EGF: variants seen among roughly 807,000 people sequenced by gnomAD.
EGF encodes epidermal growth factor, also known as pro-epidermal growth factor.
In EGF, 95 loss-of-function variants were observed where a neutral mutation model predicts 143.8. The observed-to-expected ratio is 0.66, with a 90% confidence interval of 0.56 to 0.78. The LOEUF (loss-of-function observed/expected upper bound fraction) is 0.78, where lower values mean the gene tolerates loss of function less well. Among genes scored for constraint, EGF ranks in the 30% least tolerant of loss-of-function variants. The pLI is 0.00. For missense variants in EGF, 1,320 were observed against 1,470.9 expected, an observed-to-expected ratio of 0.90 and a Z score of 1.68; for synonymous variants, 510 against 510.5, an observed-to-expected ratio of 1.00 and a Z score of 0.01.
intron 5 of EGF, among the ~76,000 whole-genome samples, chr4:109,956,639 AGAAC>A (rs1279064131): frequency 3.3e-5 from 5 of 152,208 alleles, no homozygotes; most frequent in African/African-American, 1.2e-4. Flanking sequence ...TGAAGCATAT[AGAAC>A]AAGAAAAATA....
At chr4:109,913,746 A>G (rs11568854) in intron 1 of EGF, among the ~76,000 whole-genome samples, 57 of 152,298 alleles carry the variant, frequency 3.7e-4, no homozygotes, top group African/African-American at 1.4e-3. Context: ...TTCAGCTTTT[A>G]CTCTGACAAG....
rs1181869188 is a variant in EGF at position 109,957,275 on chromosome 4, C to G, written c.941-2037C>G. Among the ~76,000 whole-genome samples, 5 of 152,182 alleles carry G rather than the reference C, an allele frequency of 3.3e-5. 1 individual carries two copies. Among genetic ancestry groups the G allele is most frequent in the African/African-American group, 1.2e-4 (5 of 41,438 alleles). On this transcript the variant is annotated intron_variant, in intron 5 of 23. Transcript: ENST00000265171. Reference sequence around the variant, plus strand: ...CACCAAAACTAACTTGTTTATCTGACCCCCTGACGGATCAGGAGAGAGATG... The same window carrying G: ...CACCAAAACTAACTTGTTTATCTGAGCCCCTGACGGATCAGGAGAGAGATG...
At chr4:109,938,404 A>G (rs746690621) in intron 1 of EGF, among the ~76,000 whole-genome samples, 2 of 152,162 alleles carry the variant, frequency 1.3e-5, no homozygotes, top group Non-Finnish European at 2.9e-5. Flanking sequence ...GATTCTAGTT[A>G]TCCATTTGTC....
At chr4:109,945,372 T>A in intron 5 of EGF, 97 bp downstream of exon 5, 1 of 1,222,474 alleles carries the variant, frequency 8.2e-7, no homozygotes, top group Non-Finnish European at 1.2e-6. Flanking sequence ...GAAAAAAAAT[T>A]TTTTTCTTCA....
At chr4:109,967,422 C>G (rs1323110280) in intron 10 of EGF, among the ~76,000 whole-genome samples, 1 of 152,092 alleles carries the variant, frequency 6.6e-6, no homozygotes, top group Non-Finnish European at 1.5e-5. Context: ...ATACTAGTAC[C>G]ATACTGTTTG....
rs749816357 is a variant in EGF at position 109,959,510 on chromosome 4, C to T, written c.1066+73C>T. Reference sequence around the variant, plus strand: ...GGGGAGGAATGCTCAACTGAGCCAGCGGCTTGTCTTCAGTGGGCCAGCCAG... The same window carrying T: ...GGGGAGGAATGCTCAACTGAGCCAGTGGCTTGTCTTCAGTGGGCCAGCCAG... On this transcript the variant is annotated intron_variant, in intron 6 of 23. Transcript: ENST00000265171. 2,540 of 1,608,550 alleles carry T rather than the reference C, an allele frequency of 1.6e-3. 7 individuals carry two copies. Among genetic ancestry groups the T allele is most frequent in the Non-Finnish European group, 1.9e-3 (2,219 of 1,178,190 alleles).
chr4:109,986,577 C>T lies in EGF; in HGVS notation c.2492-1167C>T, dbSNP rs11569037. ...GATCATTTAACTTTCTTTAATTTAT[C>T]GGCAAGTTTGGAGGGCTTTTTAAAA... On this transcript the variant is annotated intron_variant, in intron 16 of 23. Coordinates refer to ENST00000265171, the MANE Select transcript of EGF (RefSeq NM_001963.6). 8.5e-4 allele frequency among the ~76,000 whole-genome samples: 130 copies of T among 152,172 alleles called. 1 individual carries two copies. The East Asian group carries it at 0.017, about 20-fold the overall frequency.
intron 21 of EGF, chr4:110,004,142 A>G: frequency 2.8e-6 from 1 of 354,070 alleles, no homozygotes; most frequent in Non-Finnish European, 5.5e-6. Flanking sequence ...TGCCTGGGGT[A>G]TAGTTAGTAC....
At chr4:109,926,488 G>A (rs1034521394) in intron 1 of EGF, among the ~76,000 whole-genome samples, 13 of 151,866 alleles carry the variant, frequency 8.6e-5, no homozygotes, top group Non-Finnish European at 1.8e-4. Flanking sequence ...CCGAGTAGCT[G>A]GGACTACAGG....
At position 109,936,710 on chromosome 4, in the gene EGF, G is replaced by C. The variant is rs184686358; in HGVS notation, c.128-4236G>C. Among the ~76,000 whole-genome samples, 370 of 152,250 alleles carry C rather than the reference G, an allele frequency of 2.4e-3. 3 individuals carry two copies. Among genetic ancestry groups the C allele is most frequent in the African/African-American group, 8.3e-3 (346 of 41,552 alleles). On this transcript the variant is annotated intron_variant, in intron 1 of 23. Transcript: ENST00000265171. ...ACATTTCCGTATAAACACTGCTTTA[G>C]CTGTGTCTCAGAGATTCTGGTACAT... is the stretch of plus-strand genomic sequence containing the variant.
chr4:109,962,151 G>A (rs1402364880), intron 8 of EGF, among the ~76,000 whole-genome samples, 166 bp downstream of exon 8: 1 of 152,160 alleles, frequency 6.6e-6, no homozygotes, highest in Non-Finnish European at 1.5e-5. Context: ...AGTATTTTTG[G>A]GTTTTTGGCT....
At chr4:109,916,870 A>G (rs943968799) in intron 1 of EGF, among the ~76,000 whole-genome samples, 2 of 152,236 alleles carry the variant, frequency 1.3e-5, no homozygotes, top group Non-Finnish European at 2.9e-5. Flanking sequence ...AAACCCAATA[A>G]TAGTTCTACA....
intron 5 of EGF, among the ~76,000 whole-genome samples, chr4:109,955,088 G>A (rs1744584151): frequency 6.6e-6 from 1 of 152,198 alleles, no homozygotes; most frequent in Non-Finnish European, 1.5e-5. Flanking sequence ...CTTACATGGA[G>A]TTTGAGGTAG....
In EGF at chr4:109,943,813, T is replaced by G. The variant is rs776232830; in HGVS notation, c.510-29T>G. The G allele has an allele frequency of 5.0e-6, 8 of 1,592,802 alleles. No individual in the cohort carries two copies. In the Admixed American group the frequency reaches 1.3e-4, roughly 27 times the overall value. On this transcript the variant is annotated intron_variant, in intron 3 of 23. Transcript: ENST00000265171. The stretch of plus-strand genomic sequence containing the variant: ...CATTTAAGGCACTATACATTCATTT[T>G]TGGGTCTATGTAATGTGTTTGCCCT...
At chr4:109,968,236 A>G (rs183793867) in intron 10 of EGF, among the ~76,000 whole-genome samples, 1 of 152,324 alleles carries the variant, frequency 6.6e-6, no homozygotes, top group East Asian at 1.9e-4. Context: ...ATATAAGATT[A>G]GAGACTAAAG....
chr4:109,969,462 T>G (rs1747216007), intron 11 of EGF, among the ~76,000 whole-genome samples: 1 of 151,720 alleles, frequency 6.6e-6, no homozygotes, highest in African/African-American at 2.4e-5. Context: ...GGAGGGTGGG[T>G]GGCAAGGGGA....
rs58841408 is a variant in EGF at position 109,992,170 on chromosome 4, TAAAAAAAAAAAAAAAAA to T, written c.2735-1063_2735-1047del. Among the ~76,000 whole-genome samples, 24 of 65,634 alleles carry T rather than the reference TAAAAAAAAAAAAAAAAA, an allele frequency of 3.7e-4. 1 individual carries two copies. Among genetic ancestry groups the T allele is most frequent in the East Asian group, 1.2e-3 (1 of 842 alleles). 43.1% of individuals were successfully genotyped at this position (65,634 alleles called of 152,430 possible). A position where few individuals can be genotyped will look rare whatever the true frequency, so the allele number is the denominator to read the frequency against. On this transcript the variant is annotated intron_variant, in intron 18 of 23. Coordinates refer to ENST00000265171, the MANE Select transcript of EGF (RefSeq NM_001963.6). ...TCCTTAGCAACCAAGCAAGATTCTT[TAAAAAAAAAAAAAAAAA>T]AAAAAAAAAAAAAGACAGAGAGAGA...
chr4:109,997,430 G>C (rs1751961347), intron 20 of EGF, among the ~76,000 whole-genome samples: 1 of 151,988 alleles, frequency 6.6e-6, no homozygotes, highest in Non-Finnish European at 1.5e-5. Flanking sequence ...ACCAGCCCGG[G>C]TAACATGGTG....
chr4:109,947,712 T>C (rs28414645), intron 5 of EGF, among the ~76,000 whole-genome samples: 2,678 of 152,334 alleles, frequency 0.018, 86 homozygotes, highest in African/African-American at 0.06. Flanking sequence ...CCATTATGAA[T>C]AAGTATTTAC....
Sources: allele counts gnomAD v4.1 joint callset (sites outside exome capture counted in the v4.1 genomes callset), GRCh38; gene constraint gnomAD v4.1.1; transcripts MANE v1.5; gene names NCBI Gene and HGNC (gene_info 2026-07-23, HGNC 2026-07-21).